The following PARD6G variants were observed in gnomAD, a reference collection of about 807,000 sequenced individuals.
PARD6G encodes the protein partitioning defective 6 homolog gamma.
In PARD6G, 7 loss-of-function variants were observed where a neutral mutation model predicts 10.7. That is an observed-to-expected ratio of 0.66 (90% CI 0.37 to 1.23). The LOEUF (loss-of-function observed/expected upper bound fraction) is 1.23. PARD6G is among the 50% of genes most tolerant of loss of function. PARD6G has a pLI of 0.02. For missense variants in PARD6G, 548 were observed against 571.8 expected, an observed-to-expected ratio of 0.96 and a Z score of 0.42; for synonymous variants, 287 against 269.4, an observed-to-expected ratio of 1.07 and a Z score of -0.64.
intron 1 of PARD6G, among the ~76,000 whole-genome samples, chr18:80,213,527 C>G (rs1384354769): frequency 6.6e-6 from 1 of 152,210 alleles, no homozygotes; most frequent in Non-Finnish European, 1.5e-5. Context: ...TAGCTGAACA[C>G]TCAGCACACT....
At chr18:80,204,884 G>A (rs1302701458) in intron 1 of PARD6G, among the ~76,000 whole-genome samples, 5 of 152,106 alleles carry the variant, frequency 3.3e-5, no homozygotes, top group African/African-American at 9.7e-5. Flanking sequence ...CCTGGGAGGT[G>A]GAGGTTGCAG....
At chr18:80,163,996 A>T (rs2052718427) in intron 2 of PARD6G, among the ~76,000 whole-genome samples, 1 of 152,192 alleles carries the variant, frequency 6.6e-6, no homozygotes, top group East Asian at 1.9e-4. Flanking sequence ...AGCTGAAGGC[A>T]CCAGCAACCT....
In PARD6G at chr18:80,181,289, CCTCAGCCAA is replaced by C. The variant is rs1463766781; in HGVS notation, c.296-20692_296-20684del. Reference sequence around the variant, plus strand: ...GAGAGGTGGTGTCTGTCCCCTGGTCCCTCAGCCAAGTCAGCCGATGTCCCCAGCTGGGAT... The same window carrying C: ...GAGAGGTGGTGTCTGTCCCCTGGTCCGTCAGCCGATGTCCCCAGCTGGGAT... On this transcript the variant is annotated intron_variant, in intron 2 of 2. Transcript: ENST00000353265. This position sits in a 1 kb window ranked among gnomAD's most constrained non-coding sequence, Gnocchi z 7.9. Among the ~76,000 whole-genome samples the C allele has an allele frequency of 6.6e-6, 1 of 152,142 alleles. No homozygotes were observed. The highest frequency in any genetic ancestry group is 1.5e-5 in the Non-Finnish European group (1 of 68,016).
rs915767653 is a variant in PARD6G at position 80,228,151 on chromosome 18, T to C, written c.72+19126A>G. Among the ~76,000 whole-genome samples the C allele has an allele frequency of 6.6e-6, 1 of 152,072 alleles. No individual in the cohort carries two copies. Among genetic ancestry groups the C allele is most frequent in the Admixed American group, 6.5e-5 (1 of 15,272 alleles). ...GTGAGGCAGGCCCCACCTTTGTTCA[T>C]CTGAGGAGTGGTTTCAAGGCCTCTG... On this transcript the variant is annotated intron_variant, in intron 1 of 2. Transcript: ENST00000353265. The surrounding 1 kb of genome is among the most constrained non-coding windows in gnomAD (Gnocchi z 4.6).
chr18:80,201,299 G>A lies in PARD6G; in HGVS notation c.295+1411C>T, dbSNP rs1428577776. Among the ~76,000 whole-genome samples, 1 of 152,140 alleles carries A rather than the reference G, an allele frequency of 6.6e-6. No homozygotes were observed. The highest frequency in any genetic ancestry group is 6.5e-5 in the Admixed American group (1 of 15,268). On this transcript the variant is annotated intron_variant, in intron 2 of 2. Coordinates refer to ENST00000353265, the MANE Select transcript of PARD6G (RefSeq NM_032510.4). This position sits in a 1 kb window ranked among gnomAD's most constrained non-coding sequence, Gnocchi z 5.9. The stretch of plus-strand genomic sequence containing the variant: ...CAATGTGAAGGGGTAGAGAGTTCCA[G>A]GGCAGGGGGCAGGGGGCACAGGCCT...
intron 1 of PARD6G, among the ~76,000 whole-genome samples, chr18:80,214,331 G>A (rs1328309316): frequency 6.6e-6 from 1 of 151,684 alleles, no homozygotes; most frequent in African/African-American, 2.4e-5. Flanking sequence ...CAGGTGTGGG[G>A]GGTGAGCGCC....
chr18:80,237,371 A>C (rs993805349), intron 1 of PARD6G, among the ~76,000 whole-genome samples: 1 of 152,224 alleles, frequency 6.6e-6, no homozygotes, highest in Admixed American at 6.5e-5. Context: ...TAAAGACTTA[A>C]ATGTTAGACC....
rs543283256 is a variant in PARD6G, at chr18:80,166,849, C to A, written c.296-6243G>T. 2.0e-5 allele frequency among the ~76,000 whole-genome samples: 3 copies of A among 152,004 alleles called. No individual in the cohort carries two copies. The East Asian group carries it at 5.8e-4, about 30-fold the overall frequency. On this transcript the variant is annotated intron_variant, in intron 2 of 2. Transcript: ENST00000353265. The stretch of plus-strand genomic sequence containing the variant: ...GTCCCTTCAGGGCCCCTTCTCCACA[C>A]CACAGCCACCTCTTTTGGGGCCCCA...
At chr18:80,187,751 G>C (rs1479309152) in intron 2 of PARD6G, 3 of 152,224 alleles carry the variant, frequency 2.0e-5, no homozygotes, top group South Asian at 2.1e-4. Flanking sequence ...CGTTCGGAGA[G>C]ATTGCCATGG....
intron 1 of PARD6G, among the ~76,000 whole-genome samples, chr18:80,216,988 G>A (rs1430290018): frequency 2.6e-5 from 4 of 152,162 alleles, no homozygotes; most frequent in Admixed American, 6.5e-5. Context: ...ATCACACCTA[G>A]CATGCAAGGA....
chr18:80,220,261 A>C (rs1206874742), intron 1 of PARD6G, among the ~76,000 whole-genome samples: 1 of 152,180 alleles, frequency 6.6e-6, no homozygotes, highest in Non-Finnish European at 1.5e-5. Flanking sequence ...AACAGCATAG[A>C]GGTAACTGCC....
At chr18:80,205,424 C>T (rs1022511905) in intron 1 of PARD6G, among the ~76,000 whole-genome samples, 14 of 152,182 alleles carry the variant, frequency 9.2e-5, no homozygotes, top group African/African-American at 2.2e-4. Flanking sequence ...ATCTGTGTCC[C>T]CACCCAGGTC....
intron 2 of PARD6G, chr18:80,169,080 C>A (rs986259230): frequency 5.9e-6 from 1 of 169,300 alleles, no homozygotes; most frequent in Non-Finnish European, 1.5e-5. Context: ...GGGAGAGAAA[C>A]AGGAAGGCGT....
At chr18:80,233,259 A>T (rs1295639281) in intron 1 of PARD6G, among the ~76,000 whole-genome samples, 1 of 152,210 alleles carries the variant, frequency 6.6e-6, no homozygotes, top group Non-Finnish European at 1.5e-5. Context: ...CCACCTGAGG[A>T]GGTACAGGAT....
rs2052680265 is a variant in PARD6G at position 80,159,559 on chromosome 18, T to C, written c.*212A>G. 1 of 681,716 alleles carries C rather than the reference T, an allele frequency of 1.5e-6. No homozygotes were observed. The highest frequency in any genetic ancestry group is 1.9e-5 in the African/African-American group (1 of 53,204). 42.2% of individuals were successfully genotyped at this position (681,716 alleles called of 1,614,324 possible). A position where few individuals can be genotyped will look rare whatever the true frequency, so the allele number is the denominator to read the frequency against. On this transcript the variant is annotated 3_prime_UTR_variant, in exon 3 of 3. Transcript: ENST00000353265. ...CCAAGACCTGCACTCAGGCCTGGTA[T>C]AGAGTGTCTCTACAGGCGTTCATTT... is the stretch of plus-strand genomic sequence containing the variant.
At chr18:80,163,545 A>T (rs1050690244) in intron 2 of PARD6G, among the ~76,000 whole-genome samples, 2 of 152,180 alleles carry the variant, frequency 1.3e-5, no homozygotes, top group African/African-American at 2.4e-5. Context: ...CCTGTTCCGC[A>T]TGGTGCATTC....
intron 2 of PARD6G, among the ~76,000 whole-genome samples, chr18:80,185,643 C>T (rs530075646): frequency 7.9e-5 from 12 of 151,706 alleles, no homozygotes; most frequent in South Asian, 2.1e-4. Context: ...CCCTCACACA[C>T]GCATATACCC....
At chr18:80,199,024 C>T (rs544881156) in intron 2 of PARD6G, among the ~76,000 whole-genome samples, 2 of 152,334 alleles carry the variant, frequency 1.3e-5, no homozygotes, top group South Asian at 2.1e-4. Flanking sequence ...CAATTCTCCC[C>T]ACCTCTCAGC....
intron 2 of PARD6G, chr18:80,197,379 A>G (rs1966967332): frequency 6.6e-6 from 1 of 152,236 alleles, no homozygotes; most frequent in South Asian, 2.1e-4. Context: ...GTGAAATCAG[A>G]GCAAAATACA....
Sources: gnomAD v4.1 joint callset for allele counts (sites outside exome capture counted in the v4.1 genomes callset) on GRCh38, gnomAD v4.1.1 for gene constraint, Gnocchi (gnomAD v3.1) non-coding constraint, MANE v1.5 for transcripts, NCBI Gene and HGNC (gene_info 2026-07-23, HGNC 2026-07-21) for gene names.